BCR: variants seen among roughly 807,000 people sequenced by gnomAD.
The protein encoded by BCR is BCR activator of RhoGEF and GTPase, also known as breakpoint cluster region protein.
BCR carries 58 observed loss-of-function variants against 138.6 expected under a neutral mutation model. The ratio of observed to expected loss-of-function variants is 0.42; its 90% confidence interval spans 0.34 to 0.52. The LOEUF (loss-of-function observed/expected upper bound fraction) is 0.52, where lower values mean the gene tolerates loss of function less well. Among genes scored for constraint, BCR ranks in the 20% least tolerant of loss-of-function variants. The probability of loss-of-function intolerance (pLI) is 0.06; values close to 1 mark genes in which losing one functional copy is unlikely to be tolerated. For synonymous variants in BCR, 786 were observed against 730.1 expected (o/e 1.08, Z -1.23); for missense variants, 1,599 against 1,727.2 (o/e 0.93, Z 1.32).
intron 2 of BCR, among the ~76,000 whole-genome samples, chr22:23,258,876 G>A (rs2073325397): frequency 6.6e-6 from 1 of 152,274 alleles, no homozygotes; most frequent in African/African-American, 2.4e-5. Flanking sequence ...TTCCACGCCT[G>A]TGAGCCCAGC....
intron 5 of BCR, among the ~76,000 whole-genome samples, chr22:23,268,744 G>A (rs2073475175): frequency 6.6e-6 from 1 of 152,134 alleles, no homozygotes; most frequent in South Asian, 2.1e-4. Context: ...GCCTGATTCT[G>A]GGGGTTGCCG....
Position 23,263,324 on chromosome 22 carries a change from C to T in BCR, c.1752+1784C>T, listed in dbSNP as rs1602078636. 2.5e-6 allele frequency: 3 copies of T among 1,186,560 alleles called. No homozygotes were observed. In the East Asian group the frequency reaches 7.0e-5, roughly 28 times the overall value. The allele number at this position is 1,186,560 out of a possible 1,614,324, so 73.5% of individuals were successfully genotyped here. On this transcript the variant is annotated intron_variant, in intron 4 of 22. Coordinates refer to ENST00000305877, the MANE Select transcript of BCR (RefSeq NM_004327.4). ...GGCTGTGGCACTTCACCAACTGCGA[C>T]CTGCTCCGGCGCCAGATAGCCTGGG...
At position 23,214,136 on chromosome 22, in the gene BCR, G is replaced by A. The variant is rs768235537; in HGVS notation, c.1279+31897G>A. Among the ~76,000 whole-genome samples, 4 of 151,662 alleles carry A rather than the reference G, an allele frequency of 2.6e-5. No individual in the cohort carries two copies. The South Asian group carries it at 8.3e-4, about 32-fold the overall frequency. On this transcript the variant is annotated intron_variant, in intron 1 of 22. Transcript: ENST00000305877. ...TTATTCTCATTTTATTGTTGTTATC[G>A]TAGTTGCTGTTATGACAGATAGCGG...
chr22:23,237,358 G>A (rs547150339), intron 1 of BCR, among the ~76,000 whole-genome samples: 2 of 152,268 alleles, frequency 1.3e-5, no homozygotes, highest in East Asian at 3.9e-4. Context: ...CAGGATAGGA[G>A]CTGGGCCTGG....
intron 13 of BCR, 102 bp from the exon 14 acceptor site, chr22:23,290,235 CCA>C (rs2073769701): frequency 8.6e-7 from 1 of 1,158,526 alleles, no homozygotes; most frequent in African/African-American, 1.5e-5. Flanking sequence ...CAGATGGCAG[CCA>C]CACAGTGTCC....
At chr22:23,248,823 G>A (rs2073187000) in intron 1 of BCR, among the ~76,000 whole-genome samples, 1 of 152,200 alleles carries the variant, frequency 6.6e-6, no homozygotes, top group African/African-American at 2.4e-5. Context: ...CAGGAAGGAT[G>A]TGGCTGATGA....
Position 23,313,883 on chromosome 22 carries a change from C to T in BCR, c.3458-85C>T, listed in dbSNP as rs2074035364. 3 of 1,091,224 alleles carry T rather than the reference C, an allele frequency of 2.7e-6. No individual in the cohort carries two copies. The South Asian group carries it at 3.7e-5, about 14-fold the overall frequency. The allele number at this position is 1,091,224 out of a possible 1,614,324, so 67.6% of individuals were successfully genotyped here. A position where few individuals can be genotyped will look rare whatever the true frequency, so the allele number is the denominator to read the frequency against. On this transcript the variant is annotated intron_variant, in intron 20 of 22. Transcript: ENST00000305877. The stretch of plus-strand genomic sequence containing the variant: ...GACGAGCCTGGGCTGTGCAGGGACA[C>T]AAGCCCCAGGTGCTCCATGTGAACA...
At position 23,314,320 on chromosome 22, in the gene BCR, T is replaced by G. The variant is rs190715466; in HGVS notation, c.3564-232T>G. Among the ~76,000 whole-genome samples the G allele has an allele frequency of 2.4e-4, 37 of 152,260 alleles. No individual in the cohort carries two copies. The East Asian group carries it at 6.8e-3, about 28-fold the overall frequency. On this transcript the variant is annotated intron_variant, in intron 21 of 22. Transcript: ENST00000305877. ...CTTTGGCCGTGGCCAGCAGTGCACT[T>G]GGACCCCCCTCTTCCCTCCGAGTCA...
chr22:23,290,181 T>G, intron 13 of BCR, 158 bp from the exon 14 acceptor site: 4 of 719,290 alleles, frequency 5.6e-6, no homozygotes, highest in Non-Finnish European at 7.4e-6. Flanking sequence ...GAAATCATGA[T>G]GAGTATGTTT....
chr22:23,271,431 T>G, intron 5 of BCR, 101 bp from the exon 6 acceptor site: 1 of 1,201,658 alleles, frequency 8.3e-7, no homozygotes. Flanking sequence ...CTGGGGTTTG[T>G]TGTAGTGAGG....
intron 1 of BCR, among the ~76,000 whole-genome samples, chr22:23,235,845 G>T (rs965065539): frequency 6.6e-5 from 10 of 152,174 alleles, no homozygotes; most frequent in African/African-American, 2.4e-4. Context: ...AAGGATGGGG[G>T]CTGTCTCTGG....
intron 4 of BCR, chr22:23,263,863 G>A (rs1338087495): frequency 4.0e-6 from 4 of 990,830 alleles, no homozygotes; most frequent in Non-Finnish European, 6.5e-6. Flanking sequence ...GACCAAATCT[G>A]GTCTGTTGCT....
chr22:23,293,255 G>C (rs924529613), intron 15 of BCR, among the ~76,000 whole-genome samples: 1 of 152,150 alleles, frequency 6.6e-6, no homozygotes, highest in Non-Finnish European at 1.5e-5. Flanking sequence ...TGACCTCGAA[G>C]GTCTCATTCT....
chr22:23,190,189 C>T (rs769380902), intron 1 of BCR, among the ~76,000 whole-genome samples: 4 of 151,930 alleles, frequency 2.6e-5, no homozygotes, highest in Non-Finnish European at 4.4e-5. Context: ...GTTTTTGAGA[C>T]GGAGTTTCAC....
chr22:23,258,040 C>T (rs2073314112), intron 2 of BCR, among the ~76,000 whole-genome samples: 1 of 152,206 alleles, frequency 6.6e-6, no homozygotes, highest in Admixed American at 6.5e-5. Context: ...ACTGCCTACC[C>T]TGCCCTGGGG....
At chr22:23,258,703 G>GCA (rs2073323447) in intron 2 of BCR, among the ~76,000 whole-genome samples, 1 of 152,186 alleles carries the variant, frequency 6.6e-6, no homozygotes, top group South Asian at 2.1e-4. Context: ...GATAGGTAGA[G>GCA]GCAAGGATGC....
rs762780708 is a variant in BCR, at chr22:23,181,638, A to G, written c.678A>G (p.Ala226=). ...QHGAGSSVGD[A]SRPPYRGRSS... is the part of the protein sequence containing the mutation. ...GCGCGGGCTCGAGCGTGGGGGATGC[A>G]TCCAGGCCCCCTTACCGGGGACGCT... The change falls in exon 1 of 23, where the codon GCA becomes GCG. Residue 226 remains alanine (A), a synonymous_variant. Transcript: ENST00000305877. 1.9e-6 allele frequency: 3 copies of G among 1,610,350 alleles called. No individual in the cohort carries two copies. Among genetic ancestry groups the G allele is most frequent in the Admixed American group, 1.7e-5 (1 of 60,004 alleles).
intron 1 of BCR, among the ~76,000 whole-genome samples, chr22:23,218,260 T>C (rs890461795): frequency 6.6e-6 from 1 of 152,188 alleles, no homozygotes; most frequent in Non-Finnish European, 1.5e-5. Context: ...GGTAAGCATC[T>C]GGGGCATGTG....
Position 23,273,139 on chromosome 22 carries a change from T to A in BCR, c.1974+6T>A, listed in dbSNP as rs752082292. 1 of 1,613,026 alleles carries A rather than the reference T, an allele frequency of 6.2e-7. No homozygotes were observed. The highest frequency in any genetic ancestry group is 8.5e-7 in the Non-Finnish European group (1 of 1,179,436). ...GGAGCACGCTGGTCCTCCATGTAAG[T>A]CACAGCGCCCCTCTGGACCGGGACC... On this transcript the variant is annotated splice_donor_region_variant and intron_variant, in intron 7 of 22. Coordinates refer to ENST00000305877, the MANE Select transcript of BCR (RefSeq NM_004327.4).
Sources: gnomAD v4.1 joint callset for allele counts (sites outside exome capture counted in the v4.1 genomes callset) on GRCh38, gnomAD v4.1.1 for gene constraint, MANE v1.5 for transcripts, NCBI Gene and HGNC (gene_info 2026-07-23, HGNC 2026-07-21) for gene names.